KTN1: variants seen among roughly 807,000 people sequenced by gnomAD.
KTN1 encodes kinectin.
A neutral mutation model predicts 222.5 loss-of-function variants in KTN1; 130 were observed. The observed-to-expected ratio is 0.58, with a 90% CI of 0.51 to 0.68. The LOEUF is 0.68. Ranked by LOEUF, KTN1 falls within the 30% of genes least tolerant of loss-of-function variation. The pLI is 0.00. For missense variants in KTN1, 1,508 were observed against 1,500.4 expected (o/e 1.01, Z -0.08); for synonymous variants, 512 against 496.3 (o/e 1.03, Z -0.42).
rs200968358 is a variant in KTN1 at position 55,628,024 on chromosome 14, C to T, written c.1076C>T (p.Thr359Ile). ...AATKDRCKQL[T>I]QEMMTEKERS... ...ACAAAGGATCGGTGTAAGCAGTTAA[C>T]CCAGGTGAAGACATTCTTATGTACG... The change falls in exon 6 of 44, where the codon ACC (threonine) becomes ATC (isoleucine). Residue 359 changes from threonine to isoleucine, a missense_variant. Transcript: ENST00000395314. 4.6e-5 allele frequency: 73 copies of T among 1,594,840 alleles called. No individual in the cohort carries two copies. The highest frequency in any genetic ancestry group is 1.7e-4 in the Middle Eastern group (1 of 6,042).
chr14:55,653,559 G>A lies in KTN1; in HGVS notation c.2764G>A (p.Ala922Thr). 6.2e-7 allele frequency: 1 copy of A among 1,608,542 alleles called. No homozygotes were observed. Among genetic ancestry groups the A allele is most frequent in the East Asian group, 2.2e-5 (1 of 44,642 alleles). Residue 922 changes from alanine to threonine, a missense_variant and splice_region_variant, in exon 28 of 44, where the codon GCC (alanine) becomes ACC (threonine). Transcript: ENST00000395314. The part of the protein sequence containing the change: ...QEVAQHNLKE[A>T]SSASQFEELE... ...TTAAAAATATGATTCTGTTTCTCAG[G>A]CCTCTTCTGCATCACAGTTTGAAGA...
At chr14:55,602,414 TC>T (rs1031541950) in intron 1 of KTN1, among the ~76,000 whole-genome samples, 24 of 152,294 alleles carry the variant, frequency 1.6e-4, no homozygotes, top group African/African-American at 5.8e-4. Context: ...ACTATATACT[TC>T]CTTTCGCAGT....
intron 12 of KTN1, among the ~76,000 whole-genome samples, 167 bp downstream of exon 12, chr14:55,638,014 G>A (rs1028566103): frequency 6.6e-6 from 1 of 151,954 alleles, no homozygotes; most frequent in African/African-American, 2.4e-5. Context: ...GTACGGTGCT[G>A]AGGGAAAACA....
rs772118269 is a variant in KTN1, at chr14:55,659,307, G to GT, written c.2962-341dup. Among the ~76,000 whole-genome samples, 1,036 of 120,614 alleles carry GT rather than the reference G, an allele frequency of 8.6e-3. 10 individuals are homozygous for GT. The highest frequency in any genetic ancestry group is 0.015 in the African/African-American group (505 of 33,526). The allele number at this position is 120,614 out of a possible 152,430, so 79.1% of individuals were successfully genotyped here. A position where few individuals can be genotyped will look rare whatever the true frequency, so the allele number is the denominator to read the frequency against. ...TGTCCTAGTTTTGCTTTTGATTTCT[G>GT]TTTTTTTTTTTTTTTTTTAACTTGG... On this transcript the variant is annotated intron_variant, in intron 30 of 43. Coordinates refer to ENST00000395314, the MANE Select transcript of KTN1 (RefSeq NM_001079521.2).
intron 35 of KTN1, 41 bp from the exon 36 acceptor site, chr14:55,671,525 T>C: frequency 6.9e-7 from 1 of 1,459,308 alleles, no homozygotes; most frequent in Non-Finnish European, 9.5e-7. Flanking sequence ...TAAAACTTTC[T>C]GGTAGAATTA....
intron 31 of KTN1, among the ~76,000 whole-genome samples, chr14:55,660,867 C>A (rs1265257985): frequency 6.6e-6 from 1 of 152,164 alleles, no homozygotes; most frequent in African/African-American, 2.4e-5. Flanking sequence ...GTGGAGTGGG[C>A]CCATAGCCCT....
intron 43 of KTN1, chr14:55,679,917 A>G (rs552185132): frequency 4.2e-6 from 2 of 480,118 alleles, no homozygotes; most frequent in African/African-American, 2.0e-5. Context: ...TTTGTATCAA[A>G]CAGACTCTCT....
At chr14:55,610,045 CAT>C (rs1198917599) in intron 1 of KTN1, among the ~76,000 whole-genome samples, 2 of 152,182 alleles carry the variant, frequency 1.3e-5, no homozygotes, top group Non-Finnish European at 2.9e-5. Flanking sequence ...TTTGTTAGCA[CAT>C]GATTCCTTTT....
At chr14:55,673,283 C>G (rs1392577642) in intron 40 of KTN1, 28 bp downstream of exon 40, 2 of 1,421,794 alleles carry the variant, frequency 1.4e-6, no homozygotes, top group Non-Finnish European at 2.0e-6. Context: ...CACTGGGTAT[C>G]AAGTAGGCAC....
At position 55,628,310 on chromosome 14, in the gene KTN1, G is replaced by C. The variant is rs530776396; in HGVS notation, c.1080+282G>C. Among the ~76,000 whole-genome samples, 13 of 152,312 alleles carry C rather than the reference G, an allele frequency of 8.5e-5. 1 individual carries two copies. The South Asian group carries it at 2.7e-3, about 32-fold the overall frequency. ...ATGGGAATTTGTTTTAATTGGATCT[G>C]ACCTAGATCTGTTCTCAATAGAAAC... On this transcript the variant is annotated intron_variant, in intron 6 of 43. Transcript: ENST00000395314.
At chr14:55,627,862 A>C in intron 5 of KTN1, 50 bp from the exon 6 acceptor site, 2 of 1,056,102 alleles carry the variant, frequency 1.9e-6, no homozygotes, top group Non-Finnish European at 3.0e-6. Context: ...CATAATTTTT[A>C]TTAGCCCATG....
At chr14:55,610,626 C>T (rs181700027) in intron 1 of KTN1, among the ~76,000 whole-genome samples, 3 of 152,282 alleles carry the variant, frequency 2.0e-5, no homozygotes, top group Admixed American at 1.3e-4. Context: ...TAGCAATTAA[C>T]TTTAATTTGC....
Position 55,640,969 on chromosome 14 carries a change from A to G in KTN1, c.2020A>G (p.Ser674Gly). 1 of 1,609,116 alleles carries G rather than the reference A, an allele frequency of 6.2e-7. No homozygotes were observed. Among genetic ancestry groups the G allele is most frequent in the Non-Finnish European group, 8.5e-7 (1 of 1,175,998 alleles). The change falls in exon 16 of 44, where the codon AGT becomes GGT. Residue 674 changes from serine (S) to glycine (G), a missense_variant and splice_region_variant. Physicochemically the swap from Ser to Gly is moderately conservative, Grantham distance 56. Coordinates refer to ENST00000395314, the MANE Select transcript of KTN1 (RefSeq NM_001079521.2). ...ACATGAATTGGAGAAGATGCAACAA[A>G]GGTGACTAAAGTATTGTACATCTAG... is the stretch of plus-strand genomic sequence containing the variant. The part of the protein sequence containing the change: ...AAHELEKMQQ[S>G]VYVKDDKIRL...
chr14:55,674,442 G>C (rs2045723604), intron 40 of KTN1: 1 of 151,482 alleles, frequency 6.6e-6, no homozygotes, highest in South Asian at 2.1e-4. Context: ...TACACACAGA[G>C]CCCTACACAC....
Position 55,637,333 on chromosome 14 carries a change from A to C in KTN1, c.1685A>C (p.Asn562Thr). 6.2e-7 allele frequency: 1 copy of C among 1,600,378 alleles called. No individual in the cohort carries two copies. The highest frequency in any genetic ancestry group is 8.5e-7 in the Non-Finnish European group (1 of 1,173,544). The change falls in exon 11 of 44, where the codon AAC becomes ACC. Residue 562 changes from asparagine to threonine, a missense_variant. Coordinates refer to ENST00000395314, the MANE Select transcript of KTN1 (RefSeq NM_001079521.2). ...ATGGAATCAGAGCAGAAAAGGGTGAACAAAGAAGAGTCTCTACAAATGCAG... is the reference window on the plus strand; with the variant it reads ...ATGGAATCAGAGCAGAAAAGGGTGACCAAAGAAGAGTCTCTACAAATGCAG... ...QLMESEQKRV[N>T]KEESLQMQVQ...
At chr14:55,591,699 C>T (rs1374934584) in intron 1 of KTN1, among the ~76,000 whole-genome samples, 1 of 150,518 alleles carries the variant, frequency 6.6e-6, no homozygotes, top group African/African-American at 2.4e-5. Flanking sequence ...AGCGATTCTC[C>T]TGCCTCAGCT....
At chr14:55,589,517 C>T (rs960266494) in intron 1 of KTN1, among the ~76,000 whole-genome samples, 2 of 151,988 alleles carry the variant, frequency 1.3e-5, no homozygotes, top group Non-Finnish European at 2.9e-5. Context: ...ATCTTGTTGG[C>T]CAAGCTGGTC....
At chr14:55,594,690 C>T (rs1229119425) in intron 1 of KTN1, among the ~76,000 whole-genome samples, 1 of 151,972 alleles carries the variant, frequency 6.6e-6, no homozygotes, top group Non-Finnish European at 1.5e-5. Flanking sequence ...AATTATGATG[C>T]GGTATTTCAT....
chr14:55,601,877 A>G (rs2036023125), intron 1 of KTN1: 1 of 152,130 alleles, frequency 6.6e-6, no homozygotes, highest in African/African-American at 2.4e-5. Flanking sequence ...AGCTGGGATT[A>G]CAGGTGCGTG....
Sources: gnomAD v4.1 joint callset for allele counts (sites outside exome capture counted in the v4.1 genomes callset) on GRCh38, gnomAD v4.1.1 for gene constraint, MANE v1.5 for transcripts, NCBI Gene and HGNC (gene_info 2026-07-23, HGNC 2026-07-21) for gene names.